Variants in GALNTL6 observed in about 807,000 individuals in gnomAD.
The protein encoded by GALNTL6 is polypeptide N-acetylgalactosaminyltransferase like 6.
In GALNTL6, 46 loss-of-function variants were observed where a neutral mutation model predicts 73.7. The ratio of observed to expected loss-of-function variants is 0.62; its 90% CI spans 0.49 to 0.80. The LOEUF (loss-of-function observed/expected upper bound fraction) is 0.80, where lower values mean the gene tolerates loss of function less well. Ranked by LOEUF, GALNTL6 falls within the 30% of genes least tolerant of loss-of-function variation. The pLI is 0.00. For synonymous variants in GALNTL6, 259 were observed against 263.7 expected (o/e 0.98, Z 0.17); for missense variants, 604 against 755.0 (o/e 0.80, Z 2.34).
intron 5 of GALNTL6, among the ~76,000 whole-genome samples, chr4:172,721,818 G>T (rs940954965): frequency 6.6e-6 from 1 of 152,088 alleles, no homozygotes; most frequent in African/African-American, 2.4e-5. Context: ...TCTACTTCTC[G>T]TTATGTCTAA....
At chr4:172,174,437 T>C (rs761377222) in intron 2 of GALNTL6, among the ~76,000 whole-genome samples, 3 of 152,140 alleles carry the variant, frequency 2.0e-5, no homozygotes, top group Non-Finnish European at 2.9e-5. Flanking sequence ...TGATGTGCAC[T>C]GCATGATTCT....
chr4:172,467,834 CT>C (rs1732883155), intron 5 of GALNTL6, among the ~76,000 whole-genome samples: 1 of 147,228 alleles, frequency 6.8e-6, no homozygotes, highest in Admixed American at 6.9e-5. Flanking sequence ...TTCTTTCTTT[CT>C]TTCTTTCTTT....
At chr4:172,054,492 A>G (rs1488938732) in intron 2 of GALNTL6, among the ~76,000 whole-genome samples, 2 of 152,170 alleles carry the variant, frequency 1.3e-5, no homozygotes, top group Non-Finnish European at 2.9e-5. Context: ...TCTAAGATCA[A>G]GGCTTCCAGC....
intron 2 of GALNTL6, among the ~76,000 whole-genome samples, chr4:172,021,371 A>G (rs190874896): frequency 6.6e-6 from 1 of 152,174 alleles, no homozygotes; most frequent in African/African-American, 2.4e-5. Context: ...ACAATCTTAT[A>G]TTTGGAAAAG....
intron 5 of GALNTL6, among the ~76,000 whole-genome samples, chr4:172,452,674 A>G: frequency 6.6e-6 from 1 of 152,222 alleles, no homozygotes; most frequent in Non-Finnish European, 1.5e-5. Flanking sequence ...TAAATATAAT[A>G]ACAAGCTTTG....
intron 10 of GALNTL6, among the ~76,000 whole-genome samples, chr4:172,964,266 G>A (rs1042394366): frequency 2.6e-5 from 4 of 152,170 alleles, no homozygotes; most frequent in African/African-American, 9.6e-5. Context: ...TCATGAATTT[G>A]CTAAAGTCAT....
At chr4:171,925,433 A>G (rs1737946629) in intron 2 of GALNTL6, among the ~76,000 whole-genome samples, 1 of 152,208 alleles carries the variant, frequency 6.6e-6, no homozygotes. Context: ...AAGAGAGTGG[A>G]AAACCTCAGG....
intron 7 of GALNTL6, among the ~76,000 whole-genome samples, chr4:172,844,986 C>T (rs1743412348): frequency 6.6e-6 from 1 of 152,058 alleles, no homozygotes; most frequent in East Asian, 1.9e-4. Context: ...GAGGCCAAGG[C>T]CGGCAGGTCA....
In GALNTL6 at chr4:173,039,990, A is replaced by G. The variant is rs369616934; in HGVS notation, c.1696A>G (p.Lys566Glu). ...CTGCATGGATTGCAACCCCGCAGAGAAGAAGATTTTCATGGCCAGATGTGA... is the reference window on the plus strand; with the variant it reads ...CTGCATGGATTGCAACCCCGCAGAGGAGAAGATTTTCATGGCCAGATGTGA... ...NSCMDCNPAE[K>E]KIFMARCDPL... is the part of the protein sequence containing the mutation. The change falls in exon 13 of 13, where the codon AAG becomes GAG. Residue 566 changes from lysine (K) to glutamate (E), a missense_variant. Physicochemically the swap from Lys to Glu is moderately conservative, Grantham distance 56. Around this residue, in one of 5 missense-constraint regions of GALNTL6, gnomAD observed 261 missense variants for 296.5 expected, o/e 0.88. Coordinates refer to ENST00000506823, the MANE Select transcript of GALNTL6 (RefSeq NM_001034845.3). 2 of 1,613,856 alleles carry G rather than the reference A, an allele frequency of 1.2e-6. No individual in the cohort carries two copies. Among genetic ancestry groups the G allele is most frequent in the African/African-American group, 1.3e-5 (1 of 74,926 alleles).
chr4:172,802,714 A>T (rs1740717781), intron 5 of GALNTL6, among the ~76,000 whole-genome samples: 1 of 152,122 alleles, frequency 6.6e-6, no homozygotes, highest in Admixed American at 6.6e-5. Context: ...AAGGCAGGAG[A>T]ATCGCTTGAA....
chr4:172,915,524 G>A (rs1430821309), intron 8 of GALNTL6, among the ~76,000 whole-genome samples: 2 of 152,148 alleles, frequency 1.3e-5, no homozygotes, highest in African/African-American at 4.8e-5. Context: ...GAAGAAAAGA[G>A]AGAAGAATCA....
intron 5 of GALNTL6, among the ~76,000 whole-genome samples, chr4:172,611,170 C>T (rs956754373): frequency 6.6e-6 from 1 of 151,910 alleles, no homozygotes; most frequent in African/African-American, 2.4e-5. Context: ...GGGCATTTAG[C>T]ATGTTTACAT....
chr4:172,581,321 T>C (rs529490284), intron 5 of GALNTL6, among the ~76,000 whole-genome samples: 1 of 152,332 alleles, frequency 6.6e-6, no homozygotes, highest in East Asian at 1.9e-4. Context: ...GGAGTCATTT[T>C]GGCACCTTCC....
At chr4:172,104,033 T>A (rs1732602537) in intron 2 of GALNTL6, among the ~76,000 whole-genome samples, 1 of 151,268 alleles carries the variant, frequency 6.6e-6, no homozygotes, top group Non-Finnish European at 1.5e-5. Flanking sequence ...AAGCTCCGCC[T>A]CCTGGGTTCA....
intron 5 of GALNTL6, among the ~76,000 whole-genome samples, chr4:172,568,552 T>G (rs911176011): frequency 2.6e-5 from 4 of 151,510 alleles, no homozygotes; most frequent in South Asian, 4.2e-4. Context: ...GTCAGGAGAT[T>G]GAGACCATCC....
At chr4:172,443,444 G>A (rs1731913177) in intron 5 of GALNTL6, among the ~76,000 whole-genome samples, 3 of 151,752 alleles carry the variant, frequency 2.0e-5, no homozygotes, top group Admixed American at 1.3e-4. Context: ...GGGATTGCAG[G>A]CGTGAGCCAC....
chr4:172,931,233 C>G lies in GALNTL6; in HGVS notation c.1114C>G (p.Pro372Ala). The G allele has an allele frequency of 6.2e-7, 1 of 1,610,746 alleles. No individual in the cohort carries two copies. The highest frequency in any genetic ancestry group is 8.5e-7 in the Non-Finnish European group (1 of 1,176,970). The change falls in exon 9 of 13, where the codon CCA (proline) becomes GCA (alanine). Residue 372 changes from proline (P) to alanine (A), a missense_variant. Coordinates refer to ENST00000506823, the MANE Select transcript of GALNTL6 (RefSeq NM_001034845.3). ...TGGTCATATCTACAGGAAGTACGTT[C>G]CATACAAAGTTCCATCTGGGACAAG... ...RVGHIYRKYV[P>A]YKVPSGTSLA...
intron 5 of GALNTL6, among the ~76,000 whole-genome samples, chr4:172,473,389 G>T (rs1561099510): frequency 2.0e-5 from 3 of 152,106 alleles, no homozygotes; most frequent in Non-Finnish European, 4.4e-5. Context: ...CAGCAAAATG[G>T]TGCAAAAGAG....
intron 2 of GALNTL6, among the ~76,000 whole-genome samples, chr4:172,164,783 G>C (rs1734573529): frequency 6.6e-6 from 1 of 152,008 alleles, no homozygotes; most frequent in Admixed American, 6.6e-5. Context: ...TAATTACTGT[G>C]TAGTTGTTCT....
Sources: allele counts gnomAD v4.1 joint callset (sites outside exome capture counted in the v4.1 genomes callset), GRCh38; gene constraint gnomAD v4.1.1; regional missense constraint gnomAD v4.1.1; transcripts MANE v1.5; gene names NCBI Gene and HGNC (gene_info 2026-07-23, HGNC 2026-07-21).